DLGAP2: variants seen among roughly 807,000 people sequenced by gnomAD.
DLGAP2 encodes disks large-associated protein 2.
Under a neutral mutation model 100.3 loss-of-function variants are expected in DLGAP2, and 26 were observed. The observed-to-expected ratio is 0.26, with a 90% CI of 0.19 to 0.36. The LOEUF (loss-of-function observed/expected upper bound fraction) is 0.36, where lower values mean the gene tolerates loss of function less well. Among genes scored for constraint, DLGAP2 ranks in the 10% least tolerant of loss-of-function variants. The pLI, the probability that DLGAP2 is intolerant of heterozygous loss-of-function variation, is 1.00. For synonymous variants in DLGAP2, 886 were observed against 630.1 expected (o/e 1.41, Z -6.08); for missense variants, 1,858 against 1,453.2 (o/e 1.28, Z -4.53).
At chr8:1,107,503 C>T (rs895835664) in intron 2 of DLGAP2, among the ~76,000 whole-genome samples, 4 of 152,182 alleles carry the variant, frequency 2.6e-5, no homozygotes, top group East Asian at 1.9e-4. Flanking sequence ...AGCCACAGCT[C>T]TTCACAGGGA....
chr8:1,072,117 C>G (rs1001904143), intron 2 of DLGAP2, among the ~76,000 whole-genome samples: 1 of 152,178 alleles, frequency 6.6e-6, no homozygotes, highest in Non-Finnish European at 1.5e-5. Context: ...GTGCCACCAA[C>G]CACCGTCAAG....
At chr8:1,449,721 A>C (rs1023526449) in intron 3 of DLGAP2, among the ~76,000 whole-genome samples, 4 of 152,144 alleles carry the variant, frequency 2.6e-5, no homozygotes, top group African/African-American at 9.7e-5. Context: ...CTGCCAGGAC[A>C]AGCCTTGCTG....
intron 3 of DLGAP2, among the ~76,000 whole-genome samples, chr8:1,359,506 G>A (rs550090809): frequency 9.2e-5 from 14 of 152,388 alleles, no homozygotes; most frequent in South Asian, 2.1e-4. Flanking sequence ...GCCTCCTGGC[G>A]AAGGGGCAAG....
chr8:1,575,068 A>G (rs1802910745), intron 6 of DLGAP2, among the ~76,000 whole-genome samples: 2 of 152,170 alleles, frequency 1.3e-5, no homozygotes, highest in African/African-American at 4.8e-5. Context: ...ATAACGCACA[A>G]CAAGAGACTA....
At chr8:1,553,239 C>T (rs1475211305) in intron 5 of DLGAP2, among the ~76,000 whole-genome samples, 1 of 152,180 alleles carries the variant, frequency 6.6e-6, no homozygotes, top group Non-Finnish European at 1.5e-5. Context: ...CCCAGTCTCC[C>T]ACCGCGTCCT....
chr8:832,978 A>C (rs986500378), intron 1 of DLGAP2, among the ~76,000 whole-genome samples: 5 of 152,232 alleles, frequency 3.3e-5, no homozygotes, highest in African/African-American at 1.2e-4. Flanking sequence ...TTTCTCACAC[A>C]GCACACTGAT....
At chr8:1,385,537 A>AC (rs1330308421) in intron 3 of DLGAP2, among the ~76,000 whole-genome samples, 3 of 35,886 alleles carry the variant, frequency 8.4e-5, no homozygotes, top group African/African-American at 2.4e-4. Flanking sequence ...GTGCACAATT[A>AC]CCCGGCCTGT....
At chr8:1,318,911 A>G (rs1165596346) in intron 3 of DLGAP2, among the ~76,000 whole-genome samples, 1 of 151,832 alleles carries the variant, frequency 6.6e-6, no homozygotes, top group Non-Finnish European at 1.5e-5. Flanking sequence ...GTCCCCATAG[A>G]TTTTAGGATT....
intron 3 of DLGAP2, among the ~76,000 whole-genome samples, chr8:1,486,600 C>T (rs768405475): frequency 6.7e-6 from 1 of 149,046 alleles, no homozygotes; most frequent in Non-Finnish European, 1.5e-5. Flanking sequence ...GATGCGGCGG[C>T]GGCTCCTGAG....
intron 2 of DLGAP2, among the ~76,000 whole-genome samples, chr8:1,060,548 A>G (rs1450040847): frequency 1.3e-5 from 2 of 152,182 alleles, no homozygotes; most frequent in Non-Finnish European, 2.9e-5. Flanking sequence ...GATGCCTGTC[A>G]TCAGATTTAG....
At chr8:1,055,399 C>T (rs1802849269) in intron 2 of DLGAP2, among the ~76,000 whole-genome samples, 1 of 152,164 alleles carries the variant, frequency 6.6e-6, no homozygotes. Context: ...CTTCTTCCTG[C>T]TCTAAATATT....
At chr8:1,208,003 C>G (rs1408495264) in intron 2 of DLGAP2, among the ~76,000 whole-genome samples, 1 of 151,968 alleles carries the variant, frequency 6.6e-6, no homozygotes, top group Non-Finnish European at 1.5e-5. Flanking sequence ...AGATTTTCTC[C>G]CACTCGGTGG....
At chr8:1,161,729 CG>C (rs1379885503) in intron 2 of DLGAP2, among the ~76,000 whole-genome samples, 8 of 152,242 alleles carry the variant, frequency 5.3e-5, no homozygotes, top group Middle Eastern at 3.4e-3. Flanking sequence ...GGTCCAGCCC[CG>C]TGGAGCCGTC....
chr8:1,442,262 GTTCAGCCACTGGAGAA>G (rs1797856082), intron 3 of DLGAP2, among the ~76,000 whole-genome samples: 1 of 104,928 alleles, frequency 9.5e-6, no homozygotes, highest in African/African-American at 2.9e-5. Flanking sequence ...GCTGCTGTGG[GTTCAGCCACTGGAGAA>G]GGAGATGGAT....
Position 834,038 on chromosome 8 carries a change from A to G in DLGAP2, c.19-73874A>G, listed in dbSNP as rs117364722. On this transcript the variant is annotated intron_variant, in intron 1 of 14. Coordinates refer to ENST00000637795, the MANE Select transcript of DLGAP2 (RefSeq NM_001346810.2). ...AGGCCTGGAGACGTTGCCCAATTCAATCAGTAACCAAGGAGTGGGATTCAT... is the reference window on the plus strand; with the variant it reads ...AGGCCTGGAGACGTTGCCCAATTCAGTCAGTAACCAAGGAGTGGGATTCAT... Among the ~76,000 whole-genome samples the G allele has an allele frequency of 4.5e-3, 687 of 152,316 alleles. 1 individual carries two copies. The highest frequency in any genetic ancestry group is 7.3e-3 in the Non-Finnish European group (494 of 68,032).
At chr8:1,461,289 T>C (rs1402611413) in intron 3 of DLGAP2, among the ~76,000 whole-genome samples, 1 of 69,408 alleles carries the variant, frequency 1.4e-5, no homozygotes, top group African/African-American at 5.5e-5. Flanking sequence ...CAGTCGCTGA[T>C]TCGGTGGCCA....
chr8:1,596,743 T>G (rs1796471174), intron 6 of DLGAP2, among the ~76,000 whole-genome samples: 1 of 152,208 alleles, frequency 6.6e-6, no homozygotes, highest in East Asian at 1.9e-4. Context: ...TTCTTGTAAA[T>G]TTGTTAAAGT....
At chr8:1,449,843 C>T (rs1243613141) in intron 3 of DLGAP2, among the ~76,000 whole-genome samples, 32 of 136,138 alleles carry the variant, frequency 2.4e-4, no homozygotes, top group African/African-American at 7.0e-4. Flanking sequence ...GTGACTGTAG[C>T]GGAGCTGTGA....
In DLGAP2 at chr8:1,632,808, G is replaced by A. The variant is rs1293787761; in HGVS notation, c.1591-19G>A. ...ACCCTGGAGGGCCGGGGCATCACGT[G>A]TGCTGTTGATGATTGCAGGTGAGCG... On this transcript the variant is annotated intron_variant, in intron 7 of 14. Transcript: ENST00000637795. The A allele has an allele frequency of 3.8e-6, 6 of 1,590,748 alleles. No homozygotes were observed. In the African/African-American group the frequency reaches 6.7e-5, roughly 18 times the overall value.
Sources: allele counts gnomAD v4.1 joint callset (sites outside exome capture counted in the v4.1 genomes callset), GRCh38; gene constraint gnomAD v4.1.1; transcripts MANE v1.5; gene names NCBI Gene and HGNC (gene_info 2026-07-23, HGNC 2026-07-21).